Variants in RORB observed in about 807,000 individuals in gnomAD.
RORB encodes RAR related orphan receptor B.
RORB carries 6 observed loss-of-function variants against 59.1 expected under a neutral mutation model. The ratio of observed to expected loss-of-function variants is 0.10; its 90% CI spans 0.06 to 0.20. RORB has a LOEUF of 0.20. Ranked by LOEUF, RORB falls within the 10% of genes least tolerant of loss-of-function variation. RORB has a pLI of 1.00. For missense variants in RORB, 320 were observed against 560.5 expected, an observed-to-expected ratio of 0.57 and a Z score of 4.33; for synonymous variants, 215 against 204.5, an observed-to-expected ratio of 1.05 and a Z score of -0.44.
chr9:74,612,659 G>A (rs898139986), intron 1 of RORB, among the ~76,000 whole-genome samples: 1 of 152,140 alleles, frequency 6.6e-6, no homozygotes, highest in African/African-American at 2.4e-5. Flanking sequence ...TCAAGGCTCA[G>A]TAGACATAAA....
At chr9:74,574,519 A>C (rs1822601370) in intron 1 of RORB, among the ~76,000 whole-genome samples, 1 of 152,136 alleles carries the variant, frequency 6.6e-6, no homozygotes, top group Admixed American at 6.6e-5. Context: ...CTAAAAAATA[A>C]ATAAATAAAG....
At chr9:74,658,109 G>T (rs1249120064) in intron 4 of RORB, among the ~76,000 whole-genome samples, 1 of 151,244 alleles carries the variant, frequency 6.6e-6, no homozygotes, top group Admixed American at 6.6e-5. Context: ...AAAAATATTT[G>T]GTGAATGAAT....
intron 1 of RORB, among the ~76,000 whole-genome samples, chr9:74,604,585 C>T (rs984754600): frequency 1.3e-5 from 2 of 152,170 alleles, no homozygotes; most frequent in African/African-American, 4.8e-5. Flanking sequence ...TAATTTTCAA[C>T]CATAAGATAA....
At chr9:74,680,056 T>C (rs1430246387) in intron 9 of RORB, among the ~76,000 whole-genome samples, 2 of 152,116 alleles carry the variant, frequency 1.3e-5, no homozygotes, top group Non-Finnish European at 2.9e-5. Flanking sequence ...TGAGCCGAAA[T>C]CATACCACTG....
chr9:74,651,738 T>C (rs1823996634), intron 4 of RORB, among the ~76,000 whole-genome samples: 1 of 152,194 alleles, frequency 6.6e-6, no homozygotes, highest in African/African-American at 2.4e-5. Flanking sequence ...TTGGCTTCCT[T>C]GGTCTTACTA....
chr9:74,620,555 C>A (rs914949775), intron 1 of RORB, among the ~76,000 whole-genome samples: 1 of 152,038 alleles, frequency 6.6e-6, no homozygotes, highest in Non-Finnish European at 1.5e-5. Flanking sequence ...TTCAGTTCTG[C>A]TCTGATTTTA....
chr9:74,508,902 T>G (rs1378422158), intron 1 of RORB, among the ~76,000 whole-genome samples: 1 of 71,104 alleles, frequency 1.4e-5, no homozygotes, highest in Non-Finnish European at 3.4e-5. Context: ...TAATCTATGC[T>G]CTCTCTCTCT....
At chr9:74,526,914 G>A (rs1182713798) in intron 1 of RORB, among the ~76,000 whole-genome samples, 1 of 151,920 alleles carries the variant, frequency 6.6e-6, no homozygotes, top group Non-Finnish European at 1.5e-5. Context: ...GAGAGAGCTT[G>A]GAAGGGTTGC....
chr9:74,498,317 G>C (rs1341725346), intron 1 of RORB: 2 of 378,240 alleles, frequency 5.3e-6, no homozygotes, highest in Non-Finnish European at 9.8e-6. Context: ...GGAGAAAGCC[G>C]AAAGAGGGAT....
In RORB at chr9:74,617,742, C is replaced by T. The variant is rs149102685; in HGVS notation, c.8-12540C>T. 8.3e-4 allele frequency among the ~76,000 whole-genome samples: 126 copies of T among 152,248 alleles called. No homozygotes were observed. In the East Asian group the frequency reaches 0.02, roughly 24 times the overall value. On this transcript the variant is annotated intron_variant, in intron 1 of 9. Coordinates refer to ENST00000376896, the MANE Select transcript of RORB (RefSeq NM_006914.4). The stretch of plus-strand genomic sequence containing the variant: ...TTATAAGAGGGAGCTTCTAGAGTGA[C>T]GTTCTAAATTATCATTTTGCTCCTG...
At chr9:74,501,752 C>T (rs568632256) in intron 1 of RORB, among the ~76,000 whole-genome samples, 1 of 136,908 alleles carries the variant, frequency 7.3e-6, no homozygotes, top group South Asian at 2.2e-4. Context: ...CACAGAAGTG[C>T]TTGACATACT....
chr9:74,539,860 T>C lies in RORB; in HGVS notation c.7+41877T>C, dbSNP rs561487888. On this transcript the variant is annotated intron_variant, in intron 1 of 9. Coordinates refer to ENST00000376896, the MANE Select transcript of RORB (RefSeq NM_006914.4). ...AAATTGCCAAATCACTTACCCACCT[T>C]AACCTCTCAAAAAAAAAAAAAAAAA... is the stretch of plus-strand genomic sequence containing the variant. Among the ~76,000 whole-genome samples the C allele has an allele frequency of 2.4e-5, 3 of 126,788 alleles. No individual in the cohort carries two copies. The Admixed American group carries it at 2.6e-4, about 11-fold the overall frequency. 83.2% of individuals were successfully genotyped at this position (126,788 alleles called of 152,430 possible).
intron 9 of RORB, among the ~76,000 whole-genome samples, chr9:74,679,816 G>A (rs1419330741): frequency 6.6e-6 from 1 of 152,152 alleles, no homozygotes; most frequent in Non-Finnish European, 1.5e-5. Context: ...GCAAGTTGAT[G>A]TATTCATTAA....
chr9:74,500,248 C>T (rs944433685), intron 1 of RORB, among the ~76,000 whole-genome samples: 14 of 152,156 alleles, frequency 9.2e-5, no homozygotes, highest in African/African-American at 3.1e-4. Flanking sequence ...ACTCTATCGC[C>T]ATTCCTGGTT....
At chr9:74,630,261 A>C in intron 1 of RORB, 21 bp from the exon 2 acceptor site, 1 of 1,610,684 alleles carries the variant, frequency 6.2e-7, no homozygotes, top group Non-Finnish European at 8.5e-7. Flanking sequence ...TATGCTCAAA[A>C]TGTCTGTTTT....
chr9:74,552,664 T>A (rs1255709380), intron 1 of RORB, among the ~76,000 whole-genome samples: 1 of 152,124 alleles, frequency 6.6e-6, no homozygotes, highest in Non-Finnish European at 1.5e-5. Context: ...TATAATATCA[T>A]TTATTTATTC....
intron 1 of RORB, among the ~76,000 whole-genome samples, chr9:74,615,315 A>G (rs1283436330): frequency 6.6e-6 from 1 of 152,220 alleles, no homozygotes; most frequent in East Asian, 1.9e-4. Flanking sequence ...GGGTGGGAAC[A>G]TCTTGAAGTT....
Position 74,624,150 on chromosome 9 carries a change from T to TC in RORB, c.8-6131dup, listed in dbSNP as rs919724973. Among the ~76,000 whole-genome samples the TC allele has an allele frequency of 2.0e-5, 3 of 152,202 alleles. 1 individual carries two copies. Among genetic ancestry groups the TC allele is most frequent in the Non-Finnish European group, 4.4e-5 (3 of 68,034 alleles). ...CATTATCATATGGTAGTAATTTTTT[T>TC]CTTAATCTAACTTTCGATGATAAAT... On this transcript the variant is annotated intron_variant, in intron 1 of 9. Transcript: ENST00000376896.
In RORB at chr9:74,497,920, C is replaced by T. The variant is rs922869354; in HGVS notation, c.-57C>T. ...TGCTGAGCGGGATTTTTGGGCTCTC[C>T]GGGGTTCGGGCTGGGAGCAGCTTCA... On this transcript the variant is annotated 5_prime_UTR_variant, in exon 1 of 10. Coordinates refer to ENST00000376896, the MANE Select transcript of RORB (RefSeq NM_006914.4). 7 of 1,602,812 alleles carry T rather than the reference C, an allele frequency of 4.4e-6. No homozygotes were observed. The highest frequency in any genetic ancestry group is 3.4e-5 in the South Asian group (3 of 89,058).
Sources: allele counts gnomAD v4.1 joint callset (sites outside exome capture counted in the v4.1 genomes callset), GRCh38; gene constraint gnomAD v4.1.1; transcripts MANE v1.5; gene names NCBI Gene and HGNC (gene_info 2026-07-23, HGNC 2026-07-21).